The following PCDH15 variants were observed in gnomAD, a reference collection of about 807,000 sequenced individuals.
The protein encoded by PCDH15 is protocadherin-15.
A neutral mutation model predicts 178.5 loss-of-function variants in PCDH15; 129 were observed. The ratio of observed to expected loss-of-function variants is 0.72; its 90% CI spans 0.63 to 0.84. PCDH15 has a LOEUF of 0.84. Ranked by LOEUF, PCDH15 falls within the 40% of genes least tolerant of loss-of-function variation. The probability of loss-of-function intolerance (pLI) is 0.00; values close to 1 mark genes in which losing one functional copy is unlikely to be tolerated. For missense variants in PCDH15, 2,230 were observed against 2,099.9 expected (o/e 1.06, Z -1.21); for synonymous variants, 800 against 732.0 (o/e 1.09, Z -1.50).
intron 1 of PCDH15, among the ~76,000 whole-genome samples, chr10:54,703,333 C>T (rs576755519): frequency 6.6e-6 from 1 of 152,064 alleles, no homozygotes; most frequent in South Asian, 2.1e-4. Context: ...AAAGAATGCC[C>T]ACTCCTACCA....
At chr10:55,549,737 C>T (rs771449271) in intron 2 of PCDH15, among the ~76,000 whole-genome samples, 28 of 152,236 alleles carry the variant, frequency 1.8e-4, no homozygotes, top group Admixed American at 3.3e-4. Context: ...TGCCTTAAGT[C>T]TCTAAACAGA....
rs142871989 is a variant in PCDH15, at chr10:54,807,784, CAA to C, written c.-29+89664_-29+89665del. ...ATAAAAATTCACATGTAAACAAAAA[CAA>C]AGCTATTTAATAGGTAATGACTGAA... On this transcript the variant is annotated intron_variant, in intron 3 of 5. Transcript: ENST00000458638. 3.8e-3 allele frequency among the ~76,000 whole-genome samples: 564 copies of C among 150,026 alleles called. 1 individual carries two copies. Among genetic ancestry groups the C allele is most frequent in the African/African-American group, 0.013 (540 of 41,112 alleles).
chr10:55,296,748 A>G (rs1843142498), intron 1 of PCDH15, among the ~76,000 whole-genome samples: 1 of 152,112 alleles, frequency 6.6e-6, no homozygotes, highest in African/African-American at 2.4e-5. Context: ...ACATAGTAAA[A>G]TTCACTTTTT....
At chr10:54,795,026 T>TTTCCC (rs1951819179) in intron 1 of PCDH15, among the ~76,000 whole-genome samples, 1 of 151,850 alleles carries the variant, frequency 6.6e-6, no homozygotes, top group Admixed American at 6.6e-5. Context: ...AGGGATAGCC[T>TTTCCC]TAGTACTTTC....
At position 55,599,888 on chromosome 10, in the gene PCDH15, G is replaced by A. The variant is rs748498316; in HGVS notation, c.-156+27737C>T. On this transcript the variant is annotated intron_variant, in intron 2 of 5. Transcript: ENST00000613346. ...GCATAATCACTTGTTCCCTAAGTAG[G>A]GACTTGTATGAATGGCCACACCAGG... is the stretch of plus-strand genomic sequence containing the variant. The A allele has an allele frequency of 1.6e-4, 237 of 1,499,610 alleles. 1 individual carries two copies. The highest frequency in any genetic ancestry group is 2.0e-4 in the Non-Finnish European group (221 of 1,123,552). The allele number at this position is 1,499,610 out of a possible 1,614,324, so 92.9% of individuals were successfully genotyped here. A position where few individuals can be genotyped will look rare whatever the true frequency, so the allele number is the denominator to read the frequency against.
At chr10:54,772,529 G>A (rs1387710451) in intron 1 of PCDH15, among the ~76,000 whole-genome samples, 6 of 151,998 alleles carry the variant, frequency 3.9e-5, no homozygotes, top group African/African-American at 1.2e-4. Context: ...CAACATCACT[G>A]ATCATTAGAT....
chr10:55,602,580 G>C lies in PCDH15; in HGVS notation c.-156+25045C>G, dbSNP rs369734852. Among the ~76,000 whole-genome samples, 897 of 151,362 alleles carry C rather than the reference G, an allele frequency of 5.9e-3. 12 individuals are homozygous for C. Among genetic ancestry groups the C allele is most frequent in the African/African-American group, 0.019 (774 of 41,126 alleles). ...TGCCTCCTCAAGTGGGTCCCTGACC[G>C]CTGACCCCCGAGCAGCCTAACTGGG... On this transcript the variant is annotated intron_variant, in intron 2 of 5. Transcript: ENST00000613346.
chr10:54,455,380 A>G (rs1258021665), intron 3 of PCDH15, among the ~76,000 whole-genome samples: 1 of 152,154 alleles, frequency 6.6e-6, no homozygotes, highest in African/African-American at 2.4e-5. Context: ...AAAGTTTAGA[A>G]CTTCCTAGAG....
chr10:54,812,903 T>G (rs2133731196), intron 3 of PCDH15, among the ~76,000 whole-genome samples: 2 of 152,322 alleles, frequency 1.3e-5, no homozygotes, highest in Middle Eastern at 3.4e-3. Flanking sequence ...GATATCAAAC[T>G]TCTTCCAAGA....
intron 1 of PCDH15, among the ~76,000 whole-genome samples, chr10:54,687,103 C>A (rs1283440253): frequency 6.6e-6 from 1 of 152,062 alleles, no homozygotes; most frequent in East Asian, 1.9e-4. Context: ...GTCAGTATGG[C>A]TATTACAAAA....
chr10:54,845,476 T>C (rs548041272), intron 3 of PCDH15, among the ~76,000 whole-genome samples: 95 of 152,222 alleles, frequency 6.2e-4, no homozygotes, highest in South Asian at 2.5e-3. Flanking sequence ...TGCCATTCCG[T>C]AATTTGACCA....
At chr10:54,925,756 A>T (rs1357571926) in intron 2 of PCDH15, among the ~76,000 whole-genome samples, 1 of 152,082 alleles carries the variant, frequency 6.6e-6, no homozygotes, top group African/African-American at 2.4e-5. Context: ...GCTTCTGATG[A>T]TGTATAGACA....
chr10:54,462,470 T>C (rs1280976043), intron 3 of PCDH15, among the ~76,000 whole-genome samples: 1 of 128,808 alleles, frequency 7.8e-6, no homozygotes, highest in Non-Finnish European at 1.6e-5. Context: ...TGTTAATCCT[T>C]TCTTTCTTTC....
chr10:54,140,699 C>A (rs1365064416), intron 14 of PCDH15, among the ~76,000 whole-genome samples: 1 of 150,776 alleles, frequency 6.6e-6, no homozygotes, highest in African/African-American at 2.4e-5. Context: ...AATCTCCTGA[C>A]CTCGTGATCC....
intron 2 of PCDH15, among the ~76,000 whole-genome samples, chr10:55,420,527 G>T (rs531259470): frequency 4.3e-4 from 65 of 151,628 alleles, no homozygotes; most frequent in African/African-American, 1.6e-3. Context: ...TTAGGAGGGG[G>T]ATGACACGCA....
chr10:54,953,567 AT>A (rs890410728), intron 2 of PCDH15, among the ~76,000 whole-genome samples: 4 of 151,246 alleles, frequency 2.6e-5, no homozygotes, highest in Non-Finnish European at 5.9e-5. Flanking sequence ...GGTTAGCATT[AT>A]TTTTTTCATT....
chr10:54,163,996 T>A (rs1451946699), intron 13 of PCDH15, among the ~76,000 whole-genome samples: 1 of 152,048 alleles, frequency 6.6e-6, no homozygotes, highest in African/African-American at 2.4e-5. Context: ...GAAACAAACA[T>A]CTTCTTCATG....
intron 13 of PCDH15, among the ~76,000 whole-genome samples, chr10:54,158,039 G>C (rs1002479110): frequency 1.3e-5 from 2 of 152,076 alleles, no homozygotes; most frequent in African/African-American, 2.4e-5. Context: ...AAGTCTCTAG[G>C]AAGTTCCAAA....
chr10:55,603,338 G>C (rs1473219331), intron 2 of PCDH15, among the ~76,000 whole-genome samples: 4 of 149,770 alleles, frequency 2.7e-5, no homozygotes, highest in African/African-American at 9.8e-5. Flanking sequence ...TTATCCAGGA[G>C]AACTTCCCCA....
Sources: allele counts gnomAD v4.1 joint callset (sites outside exome capture counted in the v4.1 genomes callset), GRCh38; gene constraint gnomAD v4.1.1; transcripts MANE v1.5; gene names NCBI Gene and HGNC (gene_info 2026-07-23, HGNC 2026-07-21).